Variants in AMTN observed in about 807,000 individuals in gnomAD.
The protein encoded by AMTN is RSTI689.
AMTN carries 29 observed loss-of-function variants against 27.4 expected under a neutral mutation model. That is an observed-to-expected ratio of 1.06 (90% CI 0.79 to 1.44). The LOEUF is 1.44. Among genes scored for constraint, AMTN ranks in the 40% most tolerant of loss-of-function variants. The pLI is 0.00. For synonymous variants in AMTN, 86 were observed against 95.7 expected, an observed-to-expected ratio of 0.90 and a Z score of 0.59; for missense variants, 247 against 248.8, an observed-to-expected ratio of 0.99 and a Z score of 0.05.
intron 3 of AMTN, 151 bp downstream of exon 3, chr4:70,522,989 G>A (rs73826536): frequency 0.017 from 10,924 of 636,380 alleles, 764 homozygotes; most frequent in African/African-American, 0.16. Context: ...GAGGCTTTTC[G>A]TTTGGGAGTG....
intron 3 of AMTN, among the ~76,000 whole-genome samples, chr4:70,523,576 C>T (rs1310494747): frequency 6.6e-6 from 1 of 151,938 alleles, no homozygotes; most frequent in South Asian, 2.1e-4. Flanking sequence ...ATACAAAATT[C>T]GATATGTAAA....
rs1197337025 is a variant in AMTN at position 70,522,836 on chromosome 4, C to T, written c.136C>T (p.Gln46Ter). The part of the protein sequence containing the change: ...GTLPNQQQSN[Q>*]VFPSLSLIPL... ...ACTACCAAACCAACAGCAGTCAAAT[C>T]AGGTAAGAGTCCTACAATATGGAAC... The change falls in exon 3 of 9, where the codon CAG becomes TAG. Residue 46 changes from glutamine to a stop codon, truncating the protein, a stop_gained and splice_region_variant. Coordinates refer to ENST00000339336, the MANE Select transcript of AMTN (RefSeq NM_212557.4). LOFTEE classifies it high-confidence loss of function. The T allele has an allele frequency of 6.2e-7, 1 of 1,613,612 alleles. No homozygotes were observed. Among genetic ancestry groups the T allele is most frequent in the Admixed American group, 1.7e-5 (1 of 59,998 alleles).
rs773143693 is a variant in AMTN at position 70,522,784 on chromosome 4, C to T, written c.84C>T (p.Pro28=). ...PQLKPALGLP[P]TKLAPDQGTL... is the part of the protein sequence containing the mutation. ...TCAAACCTGCTTTGGGACTCCCTCC[C>T]ACAAAACTGGCTCCGGATCAGGGAA... The change falls in exon 3 of 9, where the codon CCC becomes CCT. Residue 28 remains proline (P), a synonymous_variant. Transcript: ENST00000339336. 4.6e-5 allele frequency: 75 copies of T among 1,614,074 alleles called. No individual in the cohort carries two copies. The highest frequency in any genetic ancestry group is 6.3e-5 in the Non-Finnish European group (74 of 1,179,932).
chr4:70,520,902 G>A (rs909758735), intron 2 of AMTN, among the ~76,000 whole-genome samples: 3 of 152,264 alleles, frequency 2.0e-5, no homozygotes, highest in Non-Finnish European at 2.9e-5. Context: ...TCCAGACAGA[G>A]GGAACAGGTG....
rs375296760 is a variant in AMTN, at chr4:70,520,184, G to A, written c.54+1353G>A. Reference sequence around the variant, plus strand: ...GAGGTGGGCTGAGGTGGAGCAGGCCGGCTGTGCAGGCCACAGCAGATTGCT... The same window carrying A: ...GAGGTGGGCTGAGGTGGAGCAGGCCAGCTGTGCAGGCCACAGCAGATTGCT... On this transcript the variant is annotated intron_variant, in intron 2 of 8. Transcript: ENST00000339336. Among the ~76,000 whole-genome samples the A allele has an allele frequency of 1.4e-4, 22 of 152,316 alleles. No individual in the cohort carries two copies. In the East Asian group the frequency reaches 3.1e-3, roughly 21 times the overall value.
intron 7 of AMTN, 148 bp downstream of exon 7, chr4:70,529,358 T>A: frequency 2.1e-6 from 1 of 487,178 alleles, no homozygotes; most frequent in East Asian, 3.6e-5. Context: ...CATTAGATTA[T>A]CCTTTCTTTG....
At chr4:70,532,251 G>C (rs1400151469) in intron 8 of AMTN, among the ~76,000 whole-genome samples, 1 of 152,148 alleles carries the variant, frequency 6.6e-6, no homozygotes, top group African/African-American at 2.4e-5. Context: ...TAAGAAATGT[G>C]ACAAAAATAA....
At chr4:70,531,781 G>C (rs1736231662) in intron 8 of AMTN, among the ~76,000 whole-genome samples, 1 of 152,004 alleles carries the variant, frequency 6.6e-6, no homozygotes, top group Non-Finnish European at 1.5e-5. Context: ...CAAAGTGCTG[G>C]GATTACAGGA....
At chr4:70,528,377 G>A (rs539307991) in intron 5 of AMTN, among the ~76,000 whole-genome samples, 3 of 152,270 alleles carry the variant, frequency 2.0e-5, no homozygotes, top group East Asian at 3.9e-4. Flanking sequence ...ATGGCCGGGC[G>A]AGGTGGCTCA....
At chr4:70,521,647 T>C (rs1310706799) in intron 2 of AMTN, among the ~76,000 whole-genome samples, 2,612 of 22,202 alleles carry the variant, frequency 0.12, 219 homozygotes, top group South Asian at 0.19. Flanking sequence ...TCTCTTTTTT[T>C]TTTTTTTTTT....
At chr4:70,530,957 C>A in intron 7 of AMTN, 82 bp from the exon 8 acceptor site, 1 of 1,529,128 alleles carries the variant, frequency 6.5e-7, no homozygotes, top group Admixed American at 2.0e-5. Context: ...CTTTCCATTC[C>A]TACCCAAACT....
rs774081865 is a variant in AMTN, at chr4:70,518,835, A to G, written c.54+4A>G. 1.2e-6 allele frequency: 2 copies of G among 1,607,010 alleles called. No homozygotes were observed. Among genetic ancestry groups the G allele is most frequent in the Non-Finnish European group, 1.7e-6 (2 of 1,173,510 alleles). On this transcript the variant is annotated splice_donor_region_variant and intron_variant, in intron 2 of 8. Transcript: ENST00000339336. ...AGGATCAACTCGGTCATTACCAGTA[A>G]GTATGTTATGTTTGTTTTATATGCC... is the stretch of plus-strand genomic sequence containing the variant.
intron 2 of AMTN, among the ~76,000 whole-genome samples, chr4:70,519,744 A>T (rs1452066419): frequency 1.3e-5 from 2 of 151,434 alleles, no homozygotes; most frequent in African/African-American, 2.4e-5. Context: ...TCACTTGCCA[A>T]TTTTTTTATT....
intron 3 of AMTN, 98 bp from the exon 4 acceptor site, chr4:70,523,768 CCT>C (rs750465500): frequency 7.3e-5 from 75 of 1,034,440 alleles, no homozygotes; most frequent in Non-Finnish European, 7.8e-5. Flanking sequence ...GGTAAACCCA[CCT>C]CTGACAGGAC....
chr4:70,526,041 T>C (rs576767417), intron 5 of AMTN, among the ~76,000 whole-genome samples: 1 of 152,322 alleles, frequency 6.6e-6, no homozygotes, highest in Non-Finnish European at 1.5e-5. Flanking sequence ...TCTAATTTTT[T>C]GTAGAAGCAT....
Position 70,525,012 on chromosome 4 carries a change from C to G in AMTN, c.294+51C>G, listed in dbSNP as rs372506945. 7 of 1,534,732 alleles carry G rather than the reference C, an allele frequency of 4.6e-6. No homozygotes were observed. In the African/African-American group the frequency reaches 8.3e-5, roughly 18 times the overall value. On this transcript the variant is annotated intron_variant, in intron 5 of 8. Transcript: ENST00000339336. ...TTTAACATTAGAGAGCATTTTCTCT[C>G]AGGTGAAAGCCTACAGTAGAAATTT...
chr4:70,531,452 G>A, intron 8 of AMTN, 152 bp downstream of exon 8: 1 of 1,035,614 alleles, frequency 9.7e-7, no homozygotes, highest in African/African-American at 1.6e-5. Flanking sequence ...AGCAACATGA[G>A]GGAATATTTT....
intron 6 of AMTN, 144 bp downstream of exon 6, chr4:70,528,902 C>A: frequency 1.4e-6 from 1 of 734,138 alleles, no homozygotes; most frequent in Non-Finnish European, 2.1e-6. Context: ...AGCTTGCTTT[C>A]TGCATAAGTT....
At chr4:70,522,381 C>T (rs916842381) in intron 2 of AMTN, among the ~76,000 whole-genome samples, 14 of 152,202 alleles carry the variant, frequency 9.2e-5, no homozygotes, top group Admixed American at 3.9e-4. Context: ...GTAAGAATGA[C>T]GGCAGCTTAC....
Sources: allele counts gnomAD v4.1 joint callset (sites outside exome capture counted in the v4.1 genomes callset), GRCh38; gene constraint gnomAD v4.1.1; transcripts MANE v1.5; gene names NCBI Gene and HGNC (gene_info 2026-07-23, HGNC 2026-07-21).